The following TMEM74 variants were observed in gnomAD, a reference collection of about 807,000 sequenced individuals.
TMEM74 encodes the protein transmembrane protein 74.
TMEM74 carries 13 observed loss-of-function variants against 18.1 expected under a neutral mutation model. The ratio of observed to expected loss-of-function variants is 0.72; its 90% CI spans 0.47 to 1.14. TMEM74 has a LOEUF of 1.14. Ranked by LOEUF, TMEM74 falls within the 50% of genes most tolerant of loss-of-function variation. The probability of loss-of-function intolerance (pLI) is 0.00; values close to 1 mark genes in which losing one functional copy is unlikely to be tolerated. For missense variants in TMEM74, 372 were observed against 375.9 expected (o/e 0.99, Z 0.09); for synonymous variants, 159 against 146.6 (o/e 1.08, Z -0.61).
At chr8:108,765,151 T>C (rs1814089984) in intron 1 of TMEM74, among the ~76,000 whole-genome samples, 1 of 152,200 alleles carries the variant, frequency 6.6e-6, no homozygotes, top group Admixed American at 6.5e-5. Flanking sequence ...ACATTTGCTG[T>C]TTCTACACTA....
chr8:108,759,351 C>T lies in TMEM74; in HGVS notation n.119+28125G>A, dbSNP rs554457004. 2.9e-3 allele frequency among the ~76,000 whole-genome samples: 448 copies of T among 152,060 alleles called. 1 individual carries two copies. Among genetic ancestry groups the T allele is most frequent in the African/African-American group, 9.4e-3 (391 of 41,532 alleles). ...GGCAATTTGACAGTATCTATCAAAA[C>T]GTAAAATGCATATACCTATTATTCA... On this transcript the variant is annotated intron_variant and non_coding_transcript_variant, in intron 1 of 3. Coordinates refer to the TMEM74 transcript ENST00000518838.
In TMEM74 at chr8:108,621,909, G is replaced by T. The variant is rs141576873; in HGVS notation, n.265-13083C>A. Among the ~76,000 whole-genome samples, 47 of 152,178 alleles carry T rather than the reference G, an allele frequency of 3.1e-4. No homozygotes were observed. In the East Asian group the frequency reaches 8.3e-3, roughly 27 times the overall value. ...AGCCAGGCACAAAATAAGCACTCAA[G>T]CACTCCTTATTTCTGGTCATGATGG... On this transcript the variant is annotated intron_variant and non_coding_transcript_variant, in intron 2 of 3. Transcript: ENST00000518838.
intron 2 of TMEM74, chr8:108,626,757 G>C (rs1020061038): frequency 1.3e-5 from 2 of 151,896 alleles, no homozygotes; most frequent in African/African-American, 2.4e-5. Flanking sequence ...ATGTTTTCTT[G>C]CTAGACCCTA....
At chr8:108,666,724 C>A (rs1400210471) in intron 1 of TMEM74, among the ~76,000 whole-genome samples, 1 of 152,116 alleles carries the variant, frequency 6.6e-6, no homozygotes, top group Non-Finnish European at 1.5e-5. Context: ...CATCCCATCT[C>A]TTGGCCCAGA....
chr8:108,634,486 G>T (rs143738308), intron 2 of TMEM74, among the ~76,000 whole-genome samples: 410 of 151,966 alleles, frequency 2.7e-3, no homozygotes, highest in Non-Finnish European at 4.2e-3. Context: ...CTGTCCTGTG[G>T]GCCTGTTGTA....
In TMEM74 at chr8:108,783,088, G is replaced by C. The variant is rs952277503; in HGVS notation, c.*1093C>G. On this transcript the variant is annotated 3_prime_UTR_variant, in exon 2 of 2. Coordinates refer to ENST00000297459, the MANE Select transcript of TMEM74 (RefSeq NM_153015.3). ...ACAGTCCCCATTAAATCAGTGTATT[G>C]AATCTCTCTTTCCATTTTATTTTTT... Among the ~76,000 whole-genome samples, 1 of 152,154 alleles carries C rather than the reference G, an allele frequency of 6.6e-6. No individual in the cohort carries two copies. The highest frequency in any genetic ancestry group is 2.4e-5 in the African/African-American group (1 of 41,410).
intron 1 of TMEM74, among the ~76,000 whole-genome samples, chr8:108,737,718 A>G (rs1049845248): frequency 5.3e-5 from 8 of 152,188 alleles, no homozygotes; most frequent in African/African-American, 1.9e-4. Flanking sequence ...ATACAATACA[A>G]TAAGACATGA....
At chr8:108,759,760 C>G (rs1196462413) in intron 1 of TMEM74, among the ~76,000 whole-genome samples, 1 of 152,016 alleles carries the variant, frequency 6.6e-6, no homozygotes, top group Non-Finnish European at 1.5e-5. Flanking sequence ...TGGAGGAGAA[C>G]TGAGAGAATG....
At position 108,785,020 on chromosome 8, in the gene TMEM74, G is replaced by A. The variant is rs1371588944; in HGVS notation, c.79C>T (p.Pro27Ser). 1 of 1,614,142 alleles carries A rather than the reference G, an allele frequency of 6.2e-7. No individual in the cohort carries two copies. Residue 27 changes from proline (P) to serine (S), a missense_variant, in exon 2 of 2, where the codon CCT becomes TCT. By Grantham distance (74) the Pro-to-Ser change is moderately conservative. Coordinates refer to ENST00000297459, the MANE Select transcript of TMEM74 (RefSeq NM_153015.3). ...GCTGCTGTATCTGCCTGGTCACCAG[G>A]CAGCCCTCTTGAACTCCAGTCCCTG... The part of the protein sequence containing the change: ...DARDWSSRGL[P>S]GDQADTAATR...
chr8:108,627,563 A>T (rs1436866097), intron 2 of TMEM74, among the ~76,000 whole-genome samples: 2 of 152,038 alleles, frequency 1.3e-5, no homozygotes, highest in African/African-American at 2.4e-5. Flanking sequence ...GAGTTTAACC[A>T]TTACTCTTAT....
intron 1 of TMEM74, among the ~76,000 whole-genome samples, chr8:108,662,609 T>G (rs1037445650): frequency 4.6e-5 from 7 of 152,144 alleles, no homozygotes; most frequent in African/African-American, 1.7e-4. Context: ...GCTCCATAGA[T>G]GCCCAGTTAT....
chr8:108,668,006 C>T (rs569937583), intron 1 of TMEM74, among the ~76,000 whole-genome samples: 1 of 152,274 alleles, frequency 6.6e-6, no homozygotes, highest in African/African-American at 2.4e-5. Context: ...CTCCACATTT[C>T]CTGGTTCTAC....
chr8:108,695,257 G>A (rs1246511574), intron 1 of TMEM74, among the ~76,000 whole-genome samples: 1 of 152,170 alleles, frequency 6.6e-6, no homozygotes, highest in Admixed American at 6.5e-5. Flanking sequence ...AAAAAAAGGT[G>A]GATGTGGGAA....
At chr8:108,776,247 C>A (rs1262855949), downstream of TMEM74, among the ~76,000 whole-genome samples, 1 of 152,252 alleles carries the variant, frequency 6.6e-6, no homozygotes, top group African/African-American at 2.4e-5. Context: ...AATCCCAACA[C>A]TTCGGGCAGC....
At chr8:108,739,691 G>A (rs911032640) in intron 1 of TMEM74, among the ~76,000 whole-genome samples, 3 of 152,104 alleles carry the variant, frequency 2.0e-5, no homozygotes, top group African/African-American at 7.2e-5. Context: ...TAAGGCTGAA[G>A]TTTTGACTGG....
chr8:108,613,542 C>T (rs1012460234), intron 2 of TMEM74, among the ~76,000 whole-genome samples: 7 of 152,206 alleles, frequency 4.6e-5, no homozygotes, highest in Middle Eastern at 3.2e-3. Context: ...GTCAAATCCA[C>T]GTATTTTTTT....
At chr8:108,755,364 A>G (rs1813949715) in intron 1 of TMEM74, among the ~76,000 whole-genome samples, 1 of 152,102 alleles carries the variant, frequency 6.6e-6, no homozygotes, top group African/African-American at 2.4e-5. Context: ...ACAGAAACTG[A>G]GATAATAAAT....
chr8:108,712,513 C>G (rs2130624421), intron 1 of TMEM74, among the ~76,000 whole-genome samples: 1 of 152,264 alleles, frequency 6.6e-6, no homozygotes, highest in East Asian at 1.9e-4. Flanking sequence ...GGCAGATGGG[C>G]CTCCTTGTGG....
chr8:108,620,957 C>G (rs1812433521), intron 2 of TMEM74, among the ~76,000 whole-genome samples: 1 of 152,082 alleles, frequency 6.6e-6, no homozygotes, highest in African/African-American at 2.4e-5. Context: ...CTCCTGAAGC[C>G]TTTTCTCATG....
Sources: allele counts gnomAD v4.1 joint callset (sites outside exome capture counted in the v4.1 genomes callset), GRCh38; gene constraint gnomAD v4.1.1; transcripts MANE v1.5; gene names NCBI Gene and HGNC (gene_info 2026-07-23, HGNC 2026-07-21).